ARHGEF10: variants seen among roughly 807,000 people sequenced by gnomAD.
ARHGEF10 encodes the protein Rho guanine nucleotide exchange factor 10, also known as Rho guanine nucleotide exchange factor (GEF) 10.
In ARHGEF10, 140 loss-of-function variants were observed where a neutral mutation model predicts 147.4. The ratio of observed to expected loss-of-function variants is 0.95; its 90% CI spans 0.83 to 1.09. ARHGEF10 has a LOEUF of 1.09. Ranked by LOEUF, ARHGEF10 falls within the 50% of genes least tolerant of loss-of-function variation. The pLI is 0.00. For synonymous variants in ARHGEF10, 902 were observed against 695.8 expected, an observed-to-expected ratio of 1.30 and a Z score of -4.67; for missense variants, 2,222 against 1,752.7, an observed-to-expected ratio of 1.27 and a Z score of -4.78.
intron 9 of ARHGEF10, among the ~76,000 whole-genome samples, 180 bp downstream of exon 9, chr8:1,880,344 T>C (rs1011404014): frequency 6.6e-6 from 1 of 152,164 alleles, no homozygotes; most frequent in South Asian, 2.1e-4. Flanking sequence ...CCTTTCACTG[T>C]CTCCCTCTTA....
At chr8:1,877,264 G>T (rs1346671206) in intron 8 of ARHGEF10, among the ~76,000 whole-genome samples, 1 of 152,078 alleles carries the variant, frequency 6.6e-6, no homozygotes, top group Non-Finnish European at 1.5e-5. Context: ...GTCTCGTTCT[G>T]TCTCCCAGGC....
chr8:1,826,843 G>A (rs1040550162), intron 1 of ARHGEF10, among the ~76,000 whole-genome samples: 4 of 152,224 alleles, frequency 2.6e-5, no homozygotes, highest in Non-Finnish European at 2.9e-5. Flanking sequence ...TAGTTTGCCT[G>A]GGTAGAAAGG....
intron 25 of ARHGEF10, among the ~76,000 whole-genome samples, chr8:1,932,513 CGTGT>C (rs1254810505): frequency 1.3e-5 from 2 of 151,660 alleles, no homozygotes; most frequent in Admixed American, 6.6e-5. Flanking sequence ...GGCATGTGCA[CGTGT>C]GTGTGTGCGT....
In ARHGEF10 at chr8:1,833,960, C is replaced by T. The variant is rs150661414; in HGVS notation, c.-47-9393C>T. Among the ~76,000 whole-genome samples the T allele has an allele frequency of 8.3e-3, 1,256 of 152,154 alleles. 8 individuals carry two copies. The highest frequency in any genetic ancestry group is 0.012 in the Admixed American group (181 of 15,290). ...GAGCCCCCCAATGACCACTCCTGCT[C>T]GGGGGCACTAGAGGAGAGGAGACAA... On this transcript the variant is annotated intron_variant, in intron 1 of 28. Coordinates refer to ENST00000349830, the MANE Select transcript of ARHGEF10 (RefSeq NM_014629.4).
At chr8:1,945,971 G>A (rs971603893) in intron 27 of ARHGEF10, 18 of 498,048 alleles carry the variant, frequency 3.6e-5, no homozygotes, top group African/African-American at 2.3e-4. Flanking sequence ...TCTCATCATC[G>A]GTGCAACAAG....
intron 27 of ARHGEF10, 198 bp downstream of exon 27, chr8:1,945,853 G>T (rs1040039983): frequency 7.1e-6 from 5 of 709,198 alleles, no homozygotes; most frequent in Non-Finnish European, 1.1e-5. Flanking sequence ...AGCGCTTCCC[G>T]GTGCAGGGCA....
At chr8:1,825,958 T>C in intron 1 of ARHGEF10, 1 of 670,558 alleles carries the variant, frequency 1.5e-6, no homozygotes, top group Non-Finnish European at 2.5e-6. Context: ...TTATAGAAAA[T>C]AATTTTTATT....
At chr8:1,851,487 T>C (rs1038686696) in intron 2 of ARHGEF10, among the ~76,000 whole-genome samples, 3 of 151,346 alleles carry the variant, frequency 2.0e-5, no homozygotes, top group Non-Finnish European at 4.4e-5. Context: ...AGTGTTCCAC[T>C]CTGGCAAAGG....
chr8:1,841,964 CGGAACTGGGGCCGCGGCG>C (rs1563161866), intron 1 of ARHGEF10, among the ~76,000 whole-genome samples: 144 of 38,034 alleles, frequency 3.8e-3, no homozygotes, highest in East Asian at 8.3e-3. Context: ...GGGCCGCGAC[CGGAACTGGGGCCGCGGCG>C]GGAACTGGGG....
In ARHGEF10 at chr8:1,909,410, A is replaced by G. The variant is rs775999934; in HGVS notation, c.2083A>G (p.Ser695Gly). 2 of 1,614,046 alleles carry G rather than the reference A, an allele frequency of 1.2e-6. No individual in the cohort carries two copies. Among genetic ancestry groups the G allele is most frequent in the East Asian group, 2.2e-5 (1 of 44,898 alleles). ...YGSSAGTGEH[S>G]RHLAVHPPES... Reference sequence around the variant, plus strand: ...CAGCAGCGCAGGCACGGGCGAGCACAGCAGGCACCTTGCCGTTCACCCGCC... The same window carrying G: ...CAGCAGCGCAGGCACGGGCGAGCACGGCAGGCACCTTGCCGTTCACCCGCC... Residue 695 changes from serine (S) to glycine (G), a missense_variant, in exon 18 of 29, where the codon AGC (serine) becomes GGC (glycine). Physicochemically the swap from Ser to Gly is moderately conservative, Grantham distance 56. Coordinates refer to ENST00000349830, the MANE Select transcript of ARHGEF10 (RefSeq NM_014629.4).
chr8:1,866,689 C>T, intron 6 of ARHGEF10, 87 bp downstream of exon 6: 4 of 1,180,314 alleles, frequency 3.4e-6, no homozygotes, highest in Admixed American at 3.4e-5. Context: ...AGTCTCAGGT[C>T]CCATCAGATC....
chr8:1,896,038 T>A (rs1286136615), intron 13 of ARHGEF10, among the ~76,000 whole-genome samples: 1 of 152,128 alleles, frequency 6.6e-6, no homozygotes, highest in Non-Finnish European at 1.5e-5. Flanking sequence ...AAAATCACCA[T>A]CCTTATTTGT....
intron 9 of ARHGEF10, among the ~76,000 whole-genome samples, chr8:1,881,848 G>A (rs1428831504): frequency 1.3e-5 from 2 of 152,176 alleles, no homozygotes; most frequent in African/African-American, 2.4e-5. Context: ...CCTGGGATGG[G>A]GACATCGGTT....
intron 26 of ARHGEF10, among the ~76,000 whole-genome samples, chr8:1,941,720 G>A (rs562449042): frequency 6.6e-6 from 1 of 152,262 alleles, no homozygotes; most frequent in African/African-American, 2.4e-5. Context: ...TTACCACATA[G>A]CCACAGTAAG....
At chr8:1,892,430 G>A (rs1425926150) in intron 11 of ARHGEF10, among the ~76,000 whole-genome samples, 4 of 151,888 alleles carry the variant, frequency 2.6e-5, no homozygotes, top group Admixed American at 6.6e-5. Context: ...TGTCTTTTGC[G>A]AATAGAATAA....
chr8:1,832,783 CAG>C lies in ARHGEF10; in HGVS notation c.-48+8678_-48+8679del, dbSNP rs1209850066. Reference sequence around the variant, plus strand: ...ACAGAGGCAGAGACAGAGGCAGAGACAGAGAGAGACAGAGGCAGAGGCAGAGA... The same window carrying C: ...ACAGAGGCAGAGACAGAGGCAGAGACAGAGAGACAGAGGCAGAGGCAGAGA... On this transcript the variant is annotated intron_variant, in intron 1 of 28. Coordinates refer to ENST00000349830, the MANE Select transcript of ARHGEF10 (RefSeq NM_014629.4). Among the ~76,000 whole-genome samples the C allele has an allele frequency of 4.0e-4, 27 of 67,168 alleles. 4 individuals are homozygous for C. The highest frequency in any genetic ancestry group is 5.8e-4 in the South Asian group (1 of 1,720). The allele number at this position is 67,168 out of a possible 152,430, so 44.1% of individuals were successfully genotyped here. A position where few individuals can be genotyped will look rare whatever the true frequency, so the allele number is the denominator to read the frequency against.
intron 26 of ARHGEF10, among the ~76,000 whole-genome samples, chr8:1,945,075 G>T (rs1478810932): frequency 1.3e-5 from 2 of 152,230 alleles, no homozygotes; most frequent in African/African-American, 4.8e-5. Context: ...TCAGAACCAG[G>T]GTCAGGCTGC....
intron 11 of ARHGEF10, among the ~76,000 whole-genome samples, chr8:1,886,390 G>T (rs1808660552): frequency 6.6e-6 from 1 of 152,208 alleles, no homozygotes; most frequent in African/African-American, 2.4e-5. Context: ...GATCTGGGGA[G>T]ATCCCTGATA....
At chr8:1,875,639 A>G (rs957893908) in intron 7 of ARHGEF10, among the ~76,000 whole-genome samples, 4 of 152,234 alleles carry the variant, frequency 2.6e-5, no homozygotes, top group African/African-American at 7.2e-5. Flanking sequence ...AGAACTTTTA[A>G]TCAGACATTT....
Sources: allele counts gnomAD v4.1 joint callset (sites outside exome capture counted in the v4.1 genomes callset), GRCh38; gene constraint gnomAD v4.1.1; transcripts MANE v1.5; gene names NCBI Gene and HGNC (gene_info 2026-07-23, HGNC 2026-07-21).